Variants in PLCE1 observed in about 807,000 individuals in gnomAD.
PLCE1 encodes phospholipase C epsilon 1.
A neutral mutation model predicts 242.8 loss-of-function variants in PLCE1; 119 were observed. That is an observed-to-expected ratio of 0.49 (90% CI 0.42 to 0.57). The LOEUF (loss-of-function observed/expected upper bound fraction) is 0.57. Among genes scored for constraint, PLCE1 ranks in the 20% least tolerant of loss-of-function variants. The pLI is 0.00. For synonymous variants in PLCE1, 945 were observed against 1,017.4 expected, an observed-to-expected ratio of 0.93 and a Z score of 1.35; for missense variants, 2,441 against 2,788.8, an observed-to-expected ratio of 0.88 and a Z score of 2.81.
intron 4 of PLCE1, among the ~76,000 whole-genome samples, chr10:94,208,623 A>G (rs2049240590): frequency 6.6e-6 from 1 of 152,240 alleles, no homozygotes; most frequent in African/African-American, 2.4e-5. Context: ...GCCCTAGATC[A>G]GTGATTCCCA....
rs1425329920 is a variant in PLCE1, at chr10:94,234,051, T to C, written c.1956-3T>C. 8 of 1,612,630 alleles carry C rather than the reference T, an allele frequency of 5.0e-6. No individual in the cohort carries two copies. The highest frequency in any genetic ancestry group is 1.6e-4 in the Middle Eastern group (1 of 6,070). On this transcript the variant is annotated splice_polypyrimidine_tract_variant and splice_region_variant and intron_variant, in intron 5 of 32. Transcript: ENST00000371380. ...TCTGAAAAATGTCATTTACTTGCAA[T>C]AGGTCAAGAAAAGTTTTAAAAATGT... is the stretch of plus-strand genomic sequence containing the variant.
chr10:94,275,897 C>A (rs1354223298), intron 19 of PLCE1, among the ~76,000 whole-genome samples: 1 of 152,072 alleles, frequency 6.6e-6, no homozygotes, highest in African/African-American at 2.4e-5. Context: ...AAACAAAAAG[C>A]ATTCAGTTAT....
At chr10:94,196,725 C>A (rs1435609930) in intron 4 of PLCE1, among the ~76,000 whole-genome samples, 1 of 152,102 alleles carries the variant, frequency 6.6e-6, no homozygotes, top group Non-Finnish European at 1.5e-5. Flanking sequence ...CAATCCCCAC[C>A]CCTTCTAGAA....
chr10:94,005,358 T>C (rs1212142047), intron 1 of PLCE1, among the ~76,000 whole-genome samples: 1 of 152,250 alleles, frequency 6.6e-6, no homozygotes, highest in East Asian at 1.9e-4. Flanking sequence ...TGCTCTACTA[T>C]TGATTTATGG....
At chr10:94,253,349 C>T (rs2050947982) in intron 9 of PLCE1, among the ~76,000 whole-genome samples, 1 of 151,850 alleles carries the variant, frequency 6.6e-6, no homozygotes, top group Non-Finnish European at 1.5e-5. Context: ...GGGAGAGGTG[C>T]CACACACTTT....
intron 2 of PLCE1, among the ~76,000 whole-genome samples, chr10:94,079,073 T>C (rs542853751): frequency 6.6e-6 from 1 of 152,196 alleles, no homozygotes; most frequent in Non-Finnish European, 1.5e-5. Flanking sequence ...TCTATTAAAC[T>C]GTAATTAAAT....
At chr10:94,082,571 C>T (rs996266249) in intron 2 of PLCE1, among the ~76,000 whole-genome samples, 8 of 152,100 alleles carry the variant, frequency 5.3e-5, no homozygotes, top group African/African-American at 1.9e-4. Context: ...ACCTCAAGCT[C>T]CTTGAGGGGT....
intron 13 of PLCE1, among the ~76,000 whole-genome samples, chr10:94,261,548 C>G (rs1311014730): frequency 2.0e-5 from 3 of 152,134 alleles, no homozygotes; most frequent in African/African-American, 7.2e-5. Context: ...ATATGGTAAG[C>G]CTATGTTTAG....
chr10:94,110,058 C>CTTTT (rs33974566), intron 2 of PLCE1, among the ~76,000 whole-genome samples: 16,969 of 75,694 alleles, frequency 0.22, 3,982 homozygotes, highest in Admixed American at 0.29. Context: ...TTTCTTTTTT[C>CTTTT]TTTTTTTTTT....
chr10:94,217,464 A>G (rs1224485813), intron 4 of PLCE1, among the ~76,000 whole-genome samples: 2 of 152,170 alleles, frequency 1.3e-5, no homozygotes, highest in South Asian at 2.1e-4. Context: ...GTAGGACCCT[A>G]TTCTAGGGCC....
At chr10:94,154,284 T>G (rs1341457954) in intron 3 of PLCE1, among the ~76,000 whole-genome samples, 2 of 152,116 alleles carry the variant, frequency 1.3e-5, no homozygotes, top group African/African-American at 2.4e-5. Context: ...AACAATGAAG[T>G]TGGACCCTTA....
intron 8 of PLCE1, among the ~76,000 whole-genome samples, chr10:94,247,297 A>T (rs2050718905): frequency 6.6e-6 from 1 of 151,674 alleles, no homozygotes; most frequent in Non-Finnish European, 1.5e-5. Flanking sequence ...GAGAACTATA[A>T]TGACCCTGGT....
intron 4 of PLCE1, among the ~76,000 whole-genome samples, chr10:94,209,759 G>A (rs567082802): frequency 2.0e-5 from 3 of 152,172 alleles, no homozygotes; most frequent in Non-Finnish European, 2.9e-5. Flanking sequence ...TTCAATGCAG[G>A]TGCCTCACAA....
At chr10:94,324,283 T>C (rs938959370) in intron 30 of PLCE1, 66 bp from the exon 31 acceptor site, 6 of 1,293,054 alleles carry the variant, frequency 4.6e-6, no homozygotes, top group African/African-American at 1.5e-5. Flanking sequence ...TAAAGTTTCA[T>C]ATAGAATGAA....
At chr10:94,121,793 C>G (rs1289430421) in intron 2 of PLCE1, among the ~76,000 whole-genome samples, 1 of 152,024 alleles carries the variant, frequency 6.6e-6, no homozygotes. Flanking sequence ...GTTGTCAGAG[C>G]AATATATTCT....
chr10:94,318,738 G>A (rs1317477395), intron 29 of PLCE1, among the ~76,000 whole-genome samples: 1 of 152,166 alleles, frequency 6.6e-6, no homozygotes, highest in Non-Finnish European at 1.5e-5. Context: ...AGCTGGGGAG[G>A]TGAGGGACAC....
At chr10:94,141,547 CTAA>C (rs1228112161) in intron 3 of PLCE1, among the ~76,000 whole-genome samples, 13 of 118,128 alleles carry the variant, frequency 1.1e-4, no homozygotes, top group East Asian at 4.9e-4. Flanking sequence ...GAAGGGAAGG[CTAA>C]GGGAAGGTGA....
At chr10:94,309,535 A>C (rs971511614) in intron 27 of PLCE1, among the ~76,000 whole-genome samples, 2 of 152,012 alleles carry the variant, frequency 1.3e-5, no homozygotes, top group Non-Finnish European at 2.9e-5. Context: ...TATATTGCCC[A>C]GGTTGGTTTT....
Position 94,203,054 on chromosome 10 carries a change from G to A in PLCE1, c.1810-24252G>A, listed in dbSNP as rs555949892. Among the ~76,000 whole-genome samples the A allele has an allele frequency of 5.3e-5, 8 of 152,316 alleles. No homozygotes were observed. In the East Asian group the frequency reaches 1.3e-3, roughly 26 times the overall value. ...GCCAGCATGGTGCTATGTGCTTCAC[G>A]CATATGTGAAGCCTTTTTAAATATC... On this transcript the variant is annotated intron_variant, in intron 4 of 32. Transcript: ENST00000371380.
Sources: allele counts gnomAD v4.1 joint callset (sites outside exome capture counted in the v4.1 genomes callset), GRCh38; gene constraint gnomAD v4.1.1; transcripts MANE v1.5; gene names NCBI Gene and HGNC (gene_info 2026-07-23, HGNC 2026-07-21).